The following NGLY1 variants were observed in gnomAD, a reference collection of about 807,000 sequenced individuals.
NGLY1 encodes peptide-N(4)-(N-acetyl-beta-glucosaminyl)asparagine amidase.
In NGLY1, 68 loss-of-function variants were observed where a neutral mutation model predicts 84.6. The ratio of observed to expected loss-of-function variants is 0.80; its 90% confidence interval spans 0.66 to 0.98. The LOEUF (loss-of-function observed/expected upper bound fraction) is 0.98. Among genes scored for constraint, NGLY1 ranks in the 50% least tolerant of loss-of-function variants. The pLI is 0.00. For missense variants in NGLY1, 779 were observed against 770.2 expected (o/e 1.01, Z -0.14); for synonymous variants, 280 against 275.2 (o/e 1.02, Z -0.17).
chr3:25,735,816 T>C (rs559472271), intron 7 of NGLY1, 188 bp downstream of exon 7: 6 of 497,762 alleles, frequency 1.2e-5, no homozygotes, highest in Non-Finnish European at 2.0e-5. Context: ...AATGGTAAAC[T>C]ATGGCACATC....
At chr3:25,719,707 A>G in intron 11 of NGLY1, 72 bp from the exon 12 acceptor site, 1 of 1,237,682 alleles carries the variant, frequency 8.1e-7, no homozygotes, top group Non-Finnish European at 1.1e-6. Flanking sequence ...TTTGAAATGT[A>G]TTTTATATAG....
intron 3 of NGLY1, among the ~76,000 whole-genome samples, chr3:25,752,668 G>GT (rs1305812259): frequency 6.6e-6 from 1 of 151,360 alleles, no homozygotes; most frequent in Non-Finnish European, 1.5e-5. Flanking sequence ...AAATTAAGTA[G>GT]TCAAGCATAG....
intron 1 of NGLY1, among the ~76,000 whole-genome samples, chr3:25,788,822 T>C (rs1349916835): frequency 6.6e-6 from 1 of 152,228 alleles, no homozygotes; most frequent in Admixed American, 6.5e-5. Context: ...TGGTTAGGCC[T>C]GGGACGAAGG....
intron 2 of NGLY1, among the ~76,000 whole-genome samples, chr3:25,765,904 AT>A (rs1049169513): frequency 2.0e-5 from 3 of 148,520 alleles, no homozygotes; most frequent in Non-Finnish European, 3.0e-5. Context: ...GATGATTTTT[AT>A]TTTTTGGAGA....
chr3:25,773,229 A>G (rs1707983575), intron 2 of NGLY1, among the ~76,000 whole-genome samples: 1 of 152,112 alleles, frequency 6.6e-6, no homozygotes, highest in South Asian at 2.1e-4. Flanking sequence ...ATGTCTTCCA[A>G]ACTTTTAGAT....
intron 10 of NGLY1, among the ~76,000 whole-genome samples, chr3:25,725,709 T>G (rs1164851734): frequency 6.6e-6 from 1 of 152,160 alleles, no homozygotes; most frequent in Non-Finnish European, 1.5e-5. Flanking sequence ...CTCCACATAT[T>G]TGGTCAGAGG....
At chr3:25,768,294 C>T (rs528784277) in intron 2 of NGLY1, among the ~76,000 whole-genome samples, 365 of 151,104 alleles carry the variant, frequency 2.4e-3, no homozygotes, top group African/African-American at 5.4e-3. Context: ...GGCATGGTGG[C>T]GGACACCTGT....
intron 10 of NGLY1, among the ~76,000 whole-genome samples, chr3:25,727,506 G>T (rs1289174610): frequency 1.3e-5 from 2 of 152,214 alleles, no homozygotes; most frequent in African/African-American, 4.8e-5. Flanking sequence ...CTGCTCAGTG[G>T]AGCTTTGCCC....
chr3:25,768,138 A>T (rs1707702917), intron 2 of NGLY1, among the ~76,000 whole-genome samples: 1 of 127,944 alleles, frequency 7.8e-6, no homozygotes, highest in South Asian at 2.6e-4. Context: ...AAAAAAAAAG[A>T]TTGGCCAGGT....
At chr3:25,776,548 CAT>C (rs1294842678) in intron 2 of NGLY1, among the ~76,000 whole-genome samples, 2 of 152,174 alleles carry the variant, frequency 1.3e-5, no homozygotes, top group Admixed American at 1.3e-4. Flanking sequence ...GTTGTAAACT[CAT>C]ATAGCCAACT....
chr3:25,754,324 AC>A (rs1559546081), intron 3 of NGLY1, among the ~76,000 whole-genome samples: 1 of 152,244 alleles, frequency 6.6e-6, no homozygotes, highest in African/African-American at 2.4e-5. Context: ...GAAGAAGCTA[AC>A]AAAAAGGGAA....
chr3:25,753,700 A>C (rs1036025669), intron 3 of NGLY1, among the ~76,000 whole-genome samples: 2 of 152,178 alleles, frequency 1.3e-5, no homozygotes, highest in African/African-American at 4.8e-5. Flanking sequence ...CTAACTCTTA[A>C]AGGAATAAAC....
chr3:25,739,572 C>T lies in NGLY1; in HGVS notation c.881+5G>A. 1 of 1,613,520 alleles carries T rather than the reference C, an allele frequency of 6.2e-7. No homozygotes were observed. The highest frequency in any genetic ancestry group is 8.5e-7 in the Non-Finnish European group (1 of 1,179,586). On this transcript the variant is annotated splice_donor_5th_base_variant and intron_variant, in intron 5 of 11. Transcript: ENST00000280700. ...TATTCTGATTTTACCATCCAGGGCA[C>T]CCACCTTGGGAATCGATTGCTGAAC...
At chr3:25,747,915 T>C (rs1381926445) in intron 4 of NGLY1, among the ~76,000 whole-genome samples, 4 of 152,206 alleles carry the variant, frequency 2.6e-5, no homozygotes. Flanking sequence ...CCCACACTTC[T>C]GTGCATTTTG....
At chr3:25,752,873 G>A (rs1442725479) in intron 3 of NGLY1, among the ~76,000 whole-genome samples, 2 of 151,606 alleles carry the variant, frequency 1.3e-5, no homozygotes, top group Admixed American at 6.6e-5. Flanking sequence ...GGTGTCAAAC[G>A]GTAGAATAAA....
Position 25,729,254 on chromosome 3 carries a change from T to C in NGLY1, c.1490A>G (p.Tyr497Cys), listed in dbSNP as rs2125459762. 6.4e-7 allele frequency: 1 copy of C among 1,555,558 alleles called. No individual in the cohort carries two copies. The highest frequency in any genetic ancestry group is 1.2e-5 in the South Asian group (1 of 81,776). Residue 497 changes from tyrosine to cysteine, a missense_variant, in exon 10 of 12, where the codon TAC becomes TGC. Coordinates refer to ENST00000280700, the MANE Select transcript of NGLY1 (RefSeq NM_018297.4). ...EKISKQLHLC[Y>C]NIVKDRYVRV... ...AACATAACGATCTTTCACAATATTG[T>C]AACAAAGGTGGAGCTGTTTAGAAAT...
intron 3 of NGLY1, chr3:25,755,663 A>C: frequency 6.7e-7 from 1 of 1,486,844 alleles, no homozygotes; most frequent in Non-Finnish European, 9.3e-7. Context: ...GATGATGATG[A>C]CAATGATACT....
At chr3:25,759,582 A>C (rs990945360) in intron 3 of NGLY1, among the ~76,000 whole-genome samples, 1 of 152,174 alleles carries the variant, frequency 6.6e-6, no homozygotes, top group Non-Finnish European at 1.5e-5. Context: ...ATTCATTGGC[A>C]CAACTCTGAA....
intron 4 of NGLY1, chr3:25,749,573 T>A (rs1706619899): frequency 5.9e-6 from 9 of 1,536,130 alleles, no homozygotes; most frequent in Non-Finnish European, 8.0e-6. Context: ...GACTGATATG[T>A]CAAAAATTAA....
Sources: gnomAD v4.1 joint callset for allele counts (sites outside exome capture counted in the v4.1 genomes callset) on GRCh38, gnomAD v4.1.1 for gene constraint, MANE v1.5 for transcripts, NCBI Gene and HGNC (gene_info 2026-07-23, HGNC 2026-07-21) for gene names.